Variants in TRPC5 observed in about 807,000 individuals in gnomAD.
TRPC5 encodes the protein transient receptor potential cation channel subfamily C member 5.
Under a neutral mutation model 56.5 loss-of-function variants are expected in TRPC5, and 9 were observed. That is an observed-to-expected ratio of 0.16 (90% confidence interval 0.10 to 0.28). The LOEUF is 0.28. Ranked by LOEUF, TRPC5 falls within the 10% of genes least tolerant of loss-of-function variation. The pLI, the probability that TRPC5 is intolerant of heterozygous loss-of-function variation, is 1.00. For missense variants in TRPC5, 469 were observed against 748.9 expected (o/e 0.63, Z 4.36); for synonymous variants, 282 against 278.5 (o/e 1.01, Z -0.13).
chrX:111,859,933 G>A (rs1195495911), intron 3 of TRPC5, among the ~76,000 whole-genome samples: 1 of 112,991 alleles, frequency 8.9e-6, no homozygotes, highest in Non-Finnish European at 1.9e-5. Flanking sequence ...TTTTGAGACG[G>A]AGTCTCGCTC....
At chrX:111,860,002 G>A (rs995934320) in intron 3 of TRPC5, among the ~76,000 whole-genome samples, 4 of 112,909 alleles carry the variant, frequency 3.5e-5, no homozygotes, top group Non-Finnish European at 5.6e-5. Flanking sequence ...TCCGCCTCCT[G>A]GGTTTACGCC....
In TRPC5 at chrX:111,978,861, A is replaced by C. The variant is rs1201644535; in HGVS notation, c.-21-26420T>G. On this transcript the variant is annotated intron_variant, in intron 1 of 10. Transcript: ENST00000262839. ...AAACATCAAGTCATACGTTTTAAGT[A>C]TATATAATTTTTATATGTCAATTAT... Among the ~76,000 whole-genome samples the C allele has an allele frequency of 1.8e-5, 2 of 111,453 alleles. 1 individual carries two copies. The highest frequency in any genetic ancestry group is 7.5e-4 in the South Asian group (2 of 2,675).
chrX:111,873,831 A>C (rs1335562039), intron 3 of TRPC5, among the ~76,000 whole-genome samples: 2 of 111,166 alleles, frequency 1.8e-5, no homozygotes, highest in African/African-American at 6.5e-5. Flanking sequence ...CAAAAAAAAA[A>C]CTTGCTCAAA....
intron 2 of TRPC5, among the ~76,000 whole-genome samples, chrX:111,937,154 G>A (rs1395903243): frequency 9.4e-6 from 1 of 106,333 alleles, no homozygotes; most frequent in South Asian, 3.8e-4. Context: ...TTTGAGAAGT[G>A]TCTGTTCATG....
chrX:111,894,013 T>C (rs1037688469), intron 3 of TRPC5, among the ~76,000 whole-genome samples: 1 of 111,731 alleles, frequency 9.0e-6, no homozygotes, highest in Non-Finnish European at 1.9e-5. Context: ...GTAGGTGTTT[T>C]TTAAAACAAG....
intron 1 of TRPC5, among the ~76,000 whole-genome samples, chrX:112,065,994 A>G (rs1444715170): frequency 2.8e-5 from 3 of 108,773 alleles, no homozygotes; most frequent in Non-Finnish European, 3.8e-5. Flanking sequence ...TGCATATCCT[A>G]GACTCCAACC....
At chrX:111,860,918 C>T (rs1460025831) in intron 3 of TRPC5, among the ~76,000 whole-genome samples, 2 of 111,839 alleles carry the variant, frequency 1.8e-5, no homozygotes, top group East Asian at 5.5e-4. Context: ...TTTGAGAAGG[C>T]TGTTAAATAT....
intron 1 of TRPC5, among the ~76,000 whole-genome samples, chrX:111,984,612 C>G (rs1397861267): frequency 8.9e-6 from 1 of 111,888 alleles, no homozygotes; most frequent in African/African-American, 3.2e-5. Flanking sequence ...ACACAAATGT[C>G]TTACCAATAA....
chrX:112,014,224 T>G (rs1011542688), intron 1 of TRPC5, among the ~76,000 whole-genome samples: 5 of 112,174 alleles, frequency 4.5e-5, no homozygotes, highest in African/African-American at 1.6e-4. Flanking sequence ...CGTTCCTCTT[T>G]AAGGTTGCCT....
chrX:111,955,634 A>G (rs893446030), intron 1 of TRPC5, among the ~76,000 whole-genome samples: 3 of 111,739 alleles, frequency 2.7e-5, no homozygotes, highest in Non-Finnish European at 5.6e-5. Context: ...AATCCCCCAC[A>G]GCTGCAGCCA....
chrX:112,071,509 T>A (rs1602423910), intron 1 of TRPC5, among the ~76,000 whole-genome samples: 1 of 111,241 alleles, frequency 9.0e-6, no homozygotes, highest in East Asian at 2.8e-4. Flanking sequence ...ACCTAAGGGC[T>A]GGCTAACTTA....
At chrX:112,058,719 T>C (rs7061480) in intron 1 of TRPC5, among the ~76,000 whole-genome samples, 33,871 of 111,389 alleles carry the variant, frequency 0.3, 7,062 homozygotes, top group African/African-American at 0.76. Flanking sequence ...TGCTTAAGAT[T>C]TCTTCAAATC....
At chrX:112,079,282 C>T (rs1930907416) in intron 1 of TRPC5, among the ~76,000 whole-genome samples, 1 of 111,971 alleles carries the variant, frequency 8.9e-6, no homozygotes, top group Non-Finnish European at 1.9e-5. Flanking sequence ...TTAGAATATT[C>T]GAAAACAGGC....
At chrX:111,937,335 G>A (rs1413271184) in intron 2 of TRPC5, among the ~76,000 whole-genome samples, 1 of 101,812 alleles carries the variant, frequency 9.8e-6, no homozygotes, top group Non-Finnish European at 2.0e-5. Context: ...CTGTGCAGAA[G>A]CTCTTTAGTT....
At position 112,067,614 on chromosome X, in the gene TRPC5, C is replaced by G. The variant is rs142571896; in HGVS notation, c.-22+14265G>C. Reference sequence around the variant, plus strand: ...TACAGCTGGCCAGAGGGAAGGCATTCAGTCTCAGAAGAGCCTTGCCCTCTG... The same window carrying G: ...TACAGCTGGCCAGAGGGAAGGCATTGAGTCTCAGAAGAGCCTTGCCCTCTG... On this transcript the variant is annotated intron_variant, in intron 1 of 10. Transcript: ENST00000262839. 9.2e-3 allele frequency among the ~76,000 whole-genome samples: 1,027 copies of G among 111,590 alleles called. 12 individuals are homozygous for G. The highest frequency in any genetic ancestry group is 0.032 in the African/African-American group (966 of 30,599).
At chrX:112,048,399 C>CAAAAGAAAAAAAAAAAAAAA (rs1930122174) in intron 1 of TRPC5, among the ~76,000 whole-genome samples, 1 of 21,480 alleles carries the variant, frequency 4.7e-5, no homozygotes, top group Non-Finnish European at 8.4e-5. Context: ...GACTCCGTAT[C>CAAAAGAAAAAAAAAAAAAAA]AAAAAAAAAA....
chrX:112,019,637 G>T (rs1288519674), intron 1 of TRPC5, among the ~76,000 whole-genome samples: 2 of 111,323 alleles, frequency 1.8e-5, no homozygotes, highest in Non-Finnish European at 3.8e-5. Flanking sequence ...GGATTTCACC[G>T]TGTTAGCCAG....
At chrX:111,840,247 G>C (rs1445733769) in intron 6 of TRPC5, among the ~76,000 whole-genome samples, 1 of 112,075 alleles carries the variant, frequency 8.9e-6, no homozygotes. Flanking sequence ...TGCTTGTCTT[G>C]AACTCCTAGC....
intron 1 of TRPC5, among the ~76,000 whole-genome samples, chrX:112,008,695 G>T (rs1034977746): frequency 2.7e-5 from 3 of 111,248 alleles, no homozygotes; most frequent in African/African-American, 9.8e-5. Flanking sequence ...CCTCTGGCCT[G>T]CTATTTTTCA....
Sources: gnomAD v4.1 joint callset for allele counts (sites outside exome capture counted in the v4.1 genomes callset) on GRCh38, gnomAD v4.1.1 for gene constraint, MANE v1.5 for transcripts, NCBI Gene and HGNC (gene_info 2026-07-23, HGNC 2026-07-21) for gene names.